The following ECRG4 variants were observed in gnomAD, a reference collection of about 807,000 sequenced individuals.
ECRG4 encodes the protein augurin.
ECRG4 carries 18 observed loss-of-function variants against 15.8 expected under a neutral mutation model. That is an observed-to-expected ratio of 1.14 (90% CI 0.79 to 1.69). The LOEUF (loss-of-function observed/expected upper bound fraction) is 1.69, where lower values mean the gene tolerates loss of function less well. Among genes scored for constraint, ECRG4 ranks in the 40% most tolerant of loss-of-function variants. ECRG4 has a pLI of 0.00. For missense variants in ECRG4, 200 were observed against 190.9 expected (o/e 1.05, Z -0.28); for synonymous variants, 82 against 73.9 (o/e 1.11, Z -0.56).
At chr2:106,067,923 C>T (rs1277592255) in intron 1 of ECRG4, among the ~76,000 whole-genome samples, 1 of 151,380 alleles carries the variant, frequency 6.6e-6, no homozygotes, top group Non-Finnish European at 1.5e-5. Context: ...CAGCCTTGAT[C>T]TCCCGGACTC....
At chr2:106,067,099 C>G (rs1311239163) in intron 1 of ECRG4, among the ~76,000 whole-genome samples, 2 of 103,216 alleles carry the variant, frequency 1.9e-5, no homozygotes, top group African/African-American at 3.8e-5. Context: ...GTCGGGGGTT[C>G]GAGACCAGCC....
rs769173109 is a variant in ECRG4, at chr2:106,073,987, C to T, written c.229C>T (p.Arg77Trp). Residue 77 changes from arginine (R) to tryptophan (W), a missense_variant, in exon 3 of 4, where the codon CGG becomes TGG. Transcript: ENST00000238044. ...GAAGCGGCAGCTGTGGGACCGGACTCGGCCCGAGGTGCAGCAGTGGTACCA... is the reference window on the plus strand; with the variant it reads ...GAAGCGGCAGCTGTGGGACCGGACTTGGCCCGAGGTGCAGCAGTGGTACCA... Reference protein sequence around the residue: ...RQKRQLWDRTRPEVQQWYQQF... With the variant: ...RQKRQLWDRTWPEVQQWYQQF... 14 of 1,614,040 alleles carry T rather than the reference C, an allele frequency of 8.7e-6. No individual in the cohort carries two copies. Among genetic ancestry groups the T allele is most frequent in the East Asian group, 2.2e-5 (1 of 44,886 alleles).
intron 3 of ECRG4, 39 bp downstream of exon 3, chr2:106,074,082 G>C (rs139500691): frequency 6.2e-7 from 1 of 1,604,582 alleles, no homozygotes; most frequent in African/African-American, 1.3e-5. Flanking sequence ...GCTTCCACAG[G>C]GAAGGGTGGC....
At chr2:106,069,181 TTCTTTC>T (rs1676296956) in intron 1 of ECRG4, among the ~76,000 whole-genome samples, 3 of 150,518 alleles carry the variant, frequency 2.0e-5, no homozygotes, top group Non-Finnish European at 4.5e-5. Flanking sequence ...TTTTCTTTCT[TTCTTTC>T]TCTTTCTTCT....
intron 1 of ECRG4, among the ~76,000 whole-genome samples, chr2:106,066,511 C>G (rs1352766693): frequency 6.6e-6 from 1 of 152,242 alleles, no homozygotes; most frequent in Non-Finnish European, 1.5e-5. Flanking sequence ...CTTTAGGAAC[C>G]ATAATCTGAA....
At chr2:106,066,331 G>C (rs1202220364) in intron 1 of ECRG4, among the ~76,000 whole-genome samples, 2 of 152,182 alleles carry the variant, frequency 1.3e-5, no homozygotes, top group East Asian at 1.9e-4. Context: ...CCCAGAGAGG[G>C]GAAAGGCTCT....
At position 106,078,141 on chromosome 2, in the gene ECRG4, T is replaced by C; in HGVS notation, c.*215T>C. 1 of 453,266 alleles carries C rather than the reference T, an allele frequency of 2.2e-6. No homozygotes were observed. Among genetic ancestry groups the C allele is most frequent in the Non-Finnish European group, 3.8e-6 (1 of 261,274 alleles). The allele number at this position is 453,266 out of a possible 1,614,324, so 28.1% of individuals were successfully genotyped here. Reference sequence around the variant, plus strand: ...CATTTAAAAATAGAAATAAAGCATTTTGTTAAAAAGAAAAGTCTTAGAATT... The same window carrying C: ...CATTTAAAAATAGAAATAAAGCATTCTGTTAAAAAGAAAAGTCTTAGAATT... On this transcript the variant is annotated 3_prime_UTR_variant, in exon 4 of 4. Coordinates refer to ENST00000238044, the MANE Select transcript of ECRG4 (RefSeq NM_032411.3).
intron 1 of ECRG4, among the ~76,000 whole-genome samples, chr2:106,067,538 T>TGGCTCACTGCAACCTCC (rs2104790256): frequency 6.6e-6 from 1 of 152,040 alleles, no homozygotes; most frequent in East Asian, 2.0e-4. Flanking sequence ...GGCGTGACCT[T>TGGCTCACTGCAACCTCC]GGCTCACTGC....
chr2:106,065,207 A>C (rs535118915), upstream of ECRG4, among the ~76,000 whole-genome samples: 4 of 152,064 alleles, frequency 2.6e-5, no homozygotes, highest in Non-Finnish European at 4.4e-5. Flanking sequence ...TTTACAAACC[A>C]GGCAGAAGCA....
intron 1 of ECRG4, chr2:106,071,151 AG>A (rs1676357154): frequency 5.1e-6 from 2 of 390,462 alleles, no homozygotes; most frequent in Non-Finnish European, 1.0e-5. Context: ...AGCAAAGGCA[AG>A]TTCCCCAGTG....
At chr2:106,066,703 C>G (rs1573357139) in intron 1 of ECRG4, among the ~76,000 whole-genome samples, 1 of 152,144 alleles carries the variant, frequency 6.6e-6, no homozygotes, top group Non-Finnish European at 1.5e-5. Flanking sequence ...CGCTGTCCCA[C>G]TGCAAAGCAG....
rs1436718823 is a variant in ECRG4 at position 106,065,782 on chromosome 2, G to A, written c.18G>A (p.Ala6=). The A allele has an allele frequency of 3.4e-6, 5 of 1,482,532 alleles. No individual in the cohort carries two copies. Among genetic ancestry groups the A allele is most frequent in the Non-Finnish European group, 4.5e-6 (5 of 1,123,210 alleles). The allele number at this position is 1,482,532 out of a possible 1,614,324, so 91.8% of individuals were successfully genotyped here. The change falls in exon 1 of 4, where the codon GCG becomes GCA. Residue 6 remains alanine, a synonymous_variant. Transcript: ENST00000238044. ...CCGCCGCCATGGCTGCCTCCCCCGC[G>A]CGGCCTGCTGTCCTGGCCCTGACCG... is the stretch of plus-strand genomic sequence containing the variant. The part of the protein sequence containing the change: MAASP[A]RPAVLALTGL...
intron 1 of ECRG4, chr2:106,070,876 C>T (rs748382564): frequency 4.2e-6 from 2 of 470,768 alleles, no homozygotes; most frequent in South Asian, 3.1e-5. Flanking sequence ...GGCCTGACTC[C>T]AGTTCCTTAC....
Position 106,071,376 on chromosome 2 carries a change from T to TTA in ECRG4, c.80-468_80-467insTA, listed in dbSNP as rs1553412059. Among the ~76,000 whole-genome samples the TTA allele has an allele frequency of 6.2e-4, 86 of 138,752 alleles. 1 individual carries two copies. The highest frequency in any genetic ancestry group is 1.5e-3 in the Admixed American group (21 of 13,814). The allele number at this position is 138,752 out of a possible 152,430, so 91.0% of individuals were successfully genotyped here. A position where few individuals can be genotyped will look rare whatever the true frequency, so the allele number is the denominator to read the frequency against. On this transcript the variant is annotated intron_variant, in intron 1 of 3. Coordinates refer to ENST00000238044, the MANE Select transcript of ECRG4 (RefSeq NM_032411.3). ...AAGAAAGAAAGAAAAGAAAAGAAAATAAAAAAAAAATAAAAATCTTGAGAT... is the reference window on the plus strand; with the variant it reads ...AAGAAAGAAAGAAAAGAAAAGAAAATTAAAAAAAAAAATAAAAATCTTGAGAT...
At chr2:106,064,265 C>T (rs993675083), upstream of ECRG4, 4 of 152,204 alleles carry the variant, frequency 2.6e-5, no homozygotes, top group African/African-American at 9.7e-5. Context: ...GGTTGGCCAC[C>T]ATCTGTCTTT....
In ECRG4 at chr2:106,071,901, C is replaced by A. The variant is rs764477026; in HGVS notation, c.127+10C>A. On this transcript the variant is annotated intron_variant, in intron 2 of 3. Coordinates refer to ENST00000238044, the MANE Select transcript of ECRG4 (RefSeq NM_032411.3). ...CTTCAAAAACGAGAAGGTAAATATA[C>A]CCCAAATGGATAAGGGATGCATTCT... is the stretch of plus-strand genomic sequence containing the variant. The A allele has an allele frequency of 1.2e-6, 2 of 1,608,036 alleles. No homozygotes were observed. The highest frequency in any genetic ancestry group is 1.7e-6 in the Non-Finnish European group (2 of 1,174,656).
At position 106,073,907 on chromosome 2, in the gene ECRG4, A is replaced by G. The variant is rs1029419458; in HGVS notation, c.149A>G (p.Lys50Arg). ...TCAGCACCTGTTCCAACTAAGACTA[A>G]AGTGGCCGTTGATGAGAATAAAGCC... is the stretch of plus-strand genomic sequence containing the variant. ...KREAPVPTKTKVAVDENKAKE... is the reference protein window; with the variant it reads ...KREAPVPTKTRVAVDENKAKE... Residue 50 changes from lysine (K) to arginine (R), a missense_variant, in exon 3 of 4, where the codon AAA becomes AGA. Coordinates refer to ENST00000238044, the MANE Select transcript of ECRG4 (RefSeq NM_032411.3). 6.2e-7 allele frequency: 1 copy of G among 1,614,122 alleles called. No homozygotes were observed. Among genetic ancestry groups the G allele is most frequent in the African/African-American group, 1.3e-5 (1 of 74,938 alleles).
At chr2:106,072,395 G>T (rs1481283221) in intron 2 of ECRG4, 1 of 135,888 alleles carries the variant, frequency 7.4e-6, no homozygotes, top group African/African-American at 2.5e-5. Context: ...TGAACAGTCT[G>T]GGGGTCACAA....
chr2:106,065,998 G>T (rs944126056), intron 1 of ECRG4, among the ~76,000 whole-genome samples, 155 bp downstream of exon 1: 1 of 152,244 alleles, frequency 6.6e-6, no homozygotes, highest in Non-Finnish European at 1.5e-5. Flanking sequence ...AGAGGACCGG[G>T]TCTGGGGTTT....
Sources: gnomAD v4.1 joint callset for allele counts (sites outside exome capture counted in the v4.1 genomes callset) on GRCh38, gnomAD v4.1.1 for gene constraint, MANE v1.5 for transcripts, NCBI Gene and HGNC (gene_info 2026-07-23, HGNC 2026-07-21) for gene names.